The following SGIP1 variants were observed in gnomAD, a reference collection of about 807,000 sequenced individuals.
SGIP1 encodes SH3-containing GRB2-like protein 3-interacting protein 1.
A neutral mutation model predicts 107.5 loss-of-function variants in SGIP1; 38 were observed. That is an observed-to-expected ratio of 0.35 (90% CI 0.27 to 0.46). The LOEUF is 0.46. Ranked by LOEUF, SGIP1 falls within the 20% of genes least tolerant of loss-of-function variation. The pLI, the probability that SGIP1 is intolerant of heterozygous loss-of-function variation, is 1.00. For synonymous variants in SGIP1, 365 were observed against 366.1 expected (o/e 1.00, Z 0.03); for missense variants, 929 against 1,019.5 (o/e 0.91, Z 1.21).
intron 12 of SGIP1, among the ~76,000 whole-genome samples, chr1:66,676,262 A>G (rs1039343287): frequency 6.6e-6 from 1 of 152,214 alleles, no homozygotes; most frequent in Admixed American, 6.5e-5. Context: ...AGCCTGTCCT[A>G]GACAACATAA....
chr1:66,742,244 G>A (rs1227538100), intron 24 of SGIP1, among the ~76,000 whole-genome samples: 2 of 152,176 alleles, frequency 1.3e-5, no homozygotes, highest in Non-Finnish European at 1.5e-5. Context: ...ATGTGGCCAT[G>A]AGACAGGTTT....
intron 9 of SGIP1, among the ~76,000 whole-genome samples, chr1:66,669,873 G>C (rs2083387117): frequency 6.6e-6 from 1 of 152,128 alleles, no homozygotes; most frequent in Admixed American, 6.5e-5. Context: ...TAGGAACGAG[G>C]GAAAGAAGCT....
At chr1:66,714,803 C>T (rs866791911) in intron 18 of SGIP1, among the ~76,000 whole-genome samples, 5 of 152,188 alleles carry the variant, frequency 3.3e-5, no homozygotes, top group Middle Eastern at 3.4e-3. Flanking sequence ...TCTCCAGAGT[C>T]GCTGTCTGTT....
At chr1:66,601,188 C>A (rs1251236725) in intron 1 of SGIP1, among the ~76,000 whole-genome samples, 1 of 151,980 alleles carries the variant, frequency 6.6e-6, no homozygotes, top group Non-Finnish European at 1.5e-5. Flanking sequence ...ACGGTGAAAC[C>A]CCGTCTCTGC....
chr1:66,658,632 G>A (rs1329399143), intron 7 of SGIP1, among the ~76,000 whole-genome samples: 1 of 152,122 alleles, frequency 6.6e-6, no homozygotes, highest in African/African-American at 2.4e-5. Flanking sequence ...CTATGTTTGG[G>A]GCTAGAGAGA....
intron 1 of SGIP1, among the ~76,000 whole-genome samples, chr1:66,548,165 C>T (rs1420567304): frequency 6.6e-6 from 1 of 152,092 alleles, no homozygotes; most frequent in Non-Finnish European, 1.5e-5. Flanking sequence ...CATCTTTAGA[C>T]AATTACTTGG....
At chr1:66,661,597 C>T (rs191557090) in intron 8 of SGIP1, among the ~76,000 whole-genome samples, 166 of 152,292 alleles carry the variant, frequency 1.1e-3, no homozygotes, top group Middle Eastern at 0.01. Context: ...CTAAATGGCC[C>T]GCTTCTGAGT....
At chr1:66,711,124 C>A (rs60385055) in intron 18 of SGIP1, among the ~76,000 whole-genome samples, 3,030 of 152,232 alleles carry the variant, frequency 0.02, 98 homozygotes, top group African/African-American at 0.069. Context: ...TATCCTTTCA[C>A]AACTTTAGTT....
intron 3 of SGIP1, among the ~76,000 whole-genome samples, chr1:66,634,471 C>T (rs1407451432): frequency 6.6e-6 from 1 of 152,172 alleles, no homozygotes; most frequent in Non-Finnish European, 1.5e-5. Context: ...CAGCAGCTGA[C>T]ACGTGGCAGG....
chr1:66,673,076 C>G (rs781648379), intron 11 of SGIP1, among the ~76,000 whole-genome samples: 2 of 152,186 alleles, frequency 1.3e-5, no homozygotes, highest in Non-Finnish European at 2.9e-5. Context: ...ATCTCACCTT[C>G]TACCAATTCT....
intron 1 of SGIP1, among the ~76,000 whole-genome samples, chr1:66,555,584 A>T (rs950717447): frequency 6.6e-6 from 1 of 152,144 alleles, no homozygotes; most frequent in Non-Finnish European, 1.5e-5. Context: ...GGTTTCCCTG[A>T]CTAATGCAGC....
intron 1 of SGIP1, among the ~76,000 whole-genome samples, chr1:66,546,480 G>A (rs2056417450): frequency 6.6e-6 from 1 of 152,216 alleles, no homozygotes; most frequent in South Asian, 2.1e-4. Context: ...GAGCTTTGGA[G>A]ACAGACAACC....
At chr1:66,697,121 A>G (rs2091075831) in intron 18 of SGIP1, among the ~76,000 whole-genome samples, 1 of 152,152 alleles carries the variant, frequency 6.6e-6, no homozygotes, top group Non-Finnish European at 1.5e-5. Flanking sequence ...TGGCTAGTGT[A>G]TGTGTCAGCT....
rs762262966 is a variant in SGIP1 at position 66,740,837 on chromosome 1, AT to A, written c.2299+120del. 55 of 676,192 alleles carry A rather than the reference AT, an allele frequency of 8.1e-5. No homozygotes were observed. In the South Asian group the frequency reaches 1.0e-3, roughly 12 times the overall value. 41.9% of individuals were successfully genotyped at this position (676,192 alleles called of 1,614,324 possible). ...AAAAACAAGCAGAATATTTCACTCCATTTTTGCGTTTACTTATTTCAATTAA... is the reference window on the plus strand; with the variant it reads ...AAAAACAAGCAGAATATTTCACTCCATTTTGCGTTTACTTATTTCAATTAA... On this transcript the variant is annotated intron_variant, in intron 23 of 24. Coordinates refer to ENST00000371037, the MANE Select transcript of SGIP1 (RefSeq NM_032291.4).
intron 16 of SGIP1, among the ~76,000 whole-genome samples, chr1:66,689,835 G>A (rs1226211880): frequency 1.3e-5 from 2 of 152,176 alleles, no homozygotes; most frequent in Non-Finnish European, 2.9e-5. Flanking sequence ...GATGTCCATA[G>A]CATTTGGCTG....
chr1:66,625,851 GA>G lies in SGIP1; in HGVS notation c.21del (p.Lys7AsnfsTer130). The G allele has an allele frequency of 6.2e-7, 1 of 1,611,730 alleles. No homozygotes were observed. Among genetic ancestry groups the G allele is most frequent in the East Asian group, 2.2e-5 (1 of 44,790 alleles). On this transcript the variant is annotated frameshift_variant, in exon 2 of 25. Coordinates refer to ENST00000371037, the MANE Select transcript of SGIP1 (RefSeq NM_032291.4). LOFTEE classifies it high-confidence loss of function. Reference protein sequence around the residue: MMEGLKKRTRKAFGIR... With the variant: MMEGLXKRTRKAFGIR... ...CCCTTTGCTGTTTTCCCACAGGATT[GA>G]AAAAACGTACAAGGAAGGCCTTTGG...
intron 15 of SGIP1, chr1:66,684,152 T>G (rs1014484395): frequency 6.4e-6 from 10 of 1,550,612 alleles, no homozygotes; most frequent in Non-Finnish European, 8.7e-6. Context: ...TGCCCAAGTT[T>G]ACAAGCTGGA....
chr1:66,545,799 A>C (rs905915608), intron 1 of SGIP1, among the ~76,000 whole-genome samples: 5 of 152,134 alleles, frequency 3.3e-5, no homozygotes, highest in Admixed American at 2.0e-4. Context: ...GCAGGCGTTG[A>C]TGGTGAAGTC....
intron 1 of SGIP1, among the ~76,000 whole-genome samples, chr1:66,571,033 A>G (rs1230817994): frequency 1.3e-5 from 2 of 152,018 alleles, no homozygotes; most frequent in African/African-American, 2.4e-5. Context: ...GGTCAACCAG[A>G]TAAGTGCCTC....
Sources: allele counts gnomAD v4.1 joint callset (sites outside exome capture counted in the v4.1 genomes callset), GRCh38; gene constraint gnomAD v4.1.1; transcripts MANE v1.5; gene names NCBI Gene and HGNC (gene_info 2026-07-23, HGNC 2026-07-21).